The following CCDC178 variants were observed in gnomAD, a reference collection of about 807,000 sequenced individuals.
CCDC178 encodes the protein coiled-coil domain-containing protein 178.
Under a neutral mutation model 117.4 loss-of-function variants are expected in CCDC178, and 126 were observed. The observed-to-expected ratio is 1.07, with a 90% confidence interval of 0.93 to 1.24. The LOEUF is 1.24. Ranked by LOEUF, CCDC178 falls within the 50% of genes most tolerant of loss-of-function variation. CCDC178 has a pLI of 0.00. For missense variants in CCDC178, 1,030 were observed against 986.9 expected (o/e 1.04, Z -0.59); for synonymous variants, 283 against 313.4 (o/e 0.90, Z 1.02).
At chr18:32,985,006 T>C (rs917232944) in intron 21 of CCDC178, among the ~76,000 whole-genome samples, 1 of 151,956 alleles carries the variant, frequency 6.6e-6, no homozygotes, top group Non-Finnish European at 1.5e-5. Context: ...TATATCTTTA[T>C]AGTCTTCTGA....
Position 33,132,622 on chromosome 18 carries a change from GCTTTT to G in CCDC178, c.2239-39717_2239-39713del, listed in dbSNP as rs758848793. 1.8e-4 allele frequency among the ~76,000 whole-genome samples: 27 copies of G among 151,688 alleles called. No individual in the cohort carries two copies. In the East Asian group the frequency reaches 4.4e-3, roughly 25 times the overall value. On this transcript the variant is annotated intron_variant, in intron 20 of 22. Coordinates refer to ENST00000383096, the MANE Select transcript of CCDC178 (RefSeq NM_001105528.4). ...AGCATTCATGAAAAATGAGGTGTTG[GCTTTT>G]CTTTTCATTTGAAATGGTACTTTTC...
At chr18:33,405,572 T>C (rs1161619979) in intron 3 of CCDC178, among the ~76,000 whole-genome samples, 1 of 151,932 alleles carries the variant, frequency 6.6e-6, no homozygotes, top group Non-Finnish European at 1.5e-5. Context: ...AAATAAATTA[T>C]ATAAAAAAGT....
At chr18:33,059,632 T>C (rs868018323) in intron 21 of CCDC178, among the ~76,000 whole-genome samples, 15 of 152,262 alleles carry the variant, frequency 9.9e-5, no homozygotes, top group Admixed American at 3.3e-4. Flanking sequence ...ACCTCCTAAA[T>C]AGGTTTCCAA....
Position 33,147,662 on chromosome 18 carries a change from GT to G in CCDC178, c.2239-54753del, listed in dbSNP as rs540438767. Reference sequence around the variant, plus strand: ...TTAACCCTGAGTGGACACAGCACATGTTTCAGAGAGCACGGGGTTTGGGGCA... The same window carrying G: ...TTAACCCTGAGTGGACACAGCACATGTTCAGAGAGCACGGGGTTTGGGGCA... On this transcript the variant is annotated intron_variant, in intron 20 of 22. Transcript: ENST00000383096. Among the ~76,000 whole-genome samples the G allele has an allele frequency of 6.4e-4, 97 of 152,168 alleles. 1 individual carries two copies. In the South Asian group the frequency reaches 0.019, roughly 30 times the overall value.
At chr18:33,405,743 A>G (rs1004377958) in intron 3 of CCDC178, among the ~76,000 whole-genome samples, 2 of 152,072 alleles carry the variant, frequency 1.3e-5, no homozygotes, top group African/African-American at 4.8e-5. Context: ...GAAATTTGGC[A>G]TAGTACAGGC....
chr18:33,269,037 A>AATGC (rs1244711065), intron 12 of CCDC178, among the ~76,000 whole-genome samples: 1 of 151,762 alleles, frequency 6.6e-6, no homozygotes. Flanking sequence ...ATCAGGCTAG[A>AATGC]ATGCATTCAA....
chr18:33,213,150 A>G (rs1319429073), intron 19 of CCDC178, among the ~76,000 whole-genome samples: 1 of 152,004 alleles, frequency 6.6e-6, no homozygotes, highest in Non-Finnish European at 1.5e-5. Flanking sequence ...AACTTGGATA[A>G]TTAATTAGCT....
chr18:33,342,254 T>C (rs2062826471), intron 9 of CCDC178, among the ~76,000 whole-genome samples: 1 of 152,074 alleles, frequency 6.6e-6, no homozygotes. Flanking sequence ...AATCAAGGCT[T>C]ATTGGAATTC....
chr18:33,067,960 CAAATT>C (rs1255817917), intron 21 of CCDC178, among the ~76,000 whole-genome samples: 1 of 151,730 alleles, frequency 6.6e-6, no homozygotes, highest in African/African-American at 2.4e-5. Context: ...AGTGAAGACT[CAAATT>C]AATAACATCA....
At chr18:33,166,108 A>C (rs1023304151) in intron 20 of CCDC178, among the ~76,000 whole-genome samples, 2 of 152,126 alleles carry the variant, frequency 1.3e-5, no homozygotes, top group Non-Finnish European at 2.9e-5. Flanking sequence ...AAAAAGACAG[A>C]TATCTTACTA....
At chr18:33,364,358 A>G (rs2063171150) in intron 6 of CCDC178, among the ~76,000 whole-genome samples, 1 of 152,110 alleles carries the variant, frequency 6.6e-6, no homozygotes, top group African/African-American at 2.4e-5. Context: ...TCTAGACTGC[A>G]AAGAATAAAT....
intron 21 of CCDC178, among the ~76,000 whole-genome samples, chr18:33,018,287 A>G (rs556444984): frequency 4.6e-5 from 7 of 152,190 alleles, no homozygotes; most frequent in South Asian, 2.1e-4. Context: ...AAAAAAGCAG[A>G]AAATAAAAAC....
intron 22 of CCDC178, among the ~76,000 whole-genome samples, chr18:32,962,333 AT>A (rs985290364): frequency 6.6e-6 from 1 of 151,988 alleles, no homozygotes; most frequent in Non-Finnish European, 1.5e-5. Context: ...TTGCCAGTAT[AT>A]TTCTCATAGC....
chr18:33,389,182 A>G (rs1457096256), intron 5 of CCDC178, among the ~76,000 whole-genome samples: 1 of 152,104 alleles, frequency 6.6e-6, no homozygotes, highest in Non-Finnish European at 1.5e-5. Flanking sequence ...AAAATGAAAA[A>G]TACACCCCCA....
chr18:33,421,575 A>G (rs1466077731), intron 2 of CCDC178, among the ~76,000 whole-genome samples: 1 of 152,184 alleles, frequency 6.6e-6, no homozygotes, highest in Non-Finnish European at 1.5e-5. Flanking sequence ...TTGTCTTGAG[A>G]GCTAGTTGTT....
At chr18:33,035,438 A>C (rs1242740041) in intron 21 of CCDC178, among the ~76,000 whole-genome samples, 2 of 152,018 alleles carry the variant, frequency 1.3e-5, no homozygotes, top group Admixed American at 6.6e-5. Context: ...CAGTCATAAA[A>C]AAGAATAAAA....
At chr18:33,060,905 T>C (rs564700407) in intron 21 of CCDC178, among the ~76,000 whole-genome samples, 161 of 152,190 alleles carry the variant, frequency 1.1e-3, no homozygotes, top group African/African-American at 3.7e-3. Flanking sequence ...ATTAAACCCA[T>C]AACTAAGTGA....
intron 15 of CCDC178, among the ~76,000 whole-genome samples, chr18:33,233,876 G>A (rs1323367080): frequency 6.6e-6 from 1 of 152,044 alleles, no homozygotes; most frequent in Non-Finnish European, 1.5e-5. Context: ...TAAAGTCCAT[G>A]CTTTTTCAAT....
intron 6 of CCDC178, among the ~76,000 whole-genome samples, chr18:33,356,629 C>T (rs1187549528): frequency 2.6e-5 from 4 of 151,964 alleles, no homozygotes; most frequent in Non-Finnish European, 4.4e-5. Flanking sequence ...ATTATAACCT[C>T]CTGCCTTTGT....
Sources: gnomAD v4.1 joint callset for allele counts (sites outside exome capture counted in the v4.1 genomes callset) on GRCh38, gnomAD v4.1.1 for gene constraint, MANE v1.5 for transcripts, NCBI Gene and HGNC (gene_info 2026-07-23, HGNC 2026-07-21) for gene names.